RPS6KB1: variants seen among roughly 807,000 people sequenced by gnomAD.
RPS6KB1 encodes ribosomal protein S6 kinase B1, also known as ribosomal protein S6 kinase beta-1.
RPS6KB1 carries 12 observed loss-of-function variants against 70.2 expected under a neutral mutation model. The observed-to-expected ratio is 0.17, with a 90% confidence interval of 0.11 to 0.28. The LOEUF (loss-of-function observed/expected upper bound fraction) is 0.28. Among genes scored for constraint, RPS6KB1 ranks in the 10% least tolerant of loss-of-function variants. The probability of loss-of-function intolerance (pLI) is 1.00; values close to 1 mark genes in which losing one functional copy is unlikely to be tolerated. For synonymous variants in RPS6KB1, 175 were observed against 211.2 expected, an observed-to-expected ratio of 0.83 and a Z score of 1.49; for missense variants, 270 against 646.6, an observed-to-expected ratio of 0.42 and a Z score of 6.32.
intron 12 of RPS6KB1, among the ~76,000 whole-genome samples, chr17:59,937,834 A>G (rs142876037): frequency 6.6e-6 from 1 of 152,204 alleles, no homozygotes; most frequent in Non-Finnish European, 1.5e-5. Context: ...TTCAACCCAT[A>G]ACAATATGTT....
intron 1 of RPS6KB1, among the ~76,000 whole-genome samples, chr17:59,897,850 A>G (rs2041658848): frequency 6.6e-6 from 1 of 151,950 alleles, no homozygotes; most frequent in Admixed American, 6.6e-5. Context: ...CTCTAGTCCC[A>G]GCTATTCAGG....
At chr17:59,897,943 C>T (rs554247549) in intron 1 of RPS6KB1, among the ~76,000 whole-genome samples, 2 of 146,168 alleles carry the variant, frequency 1.4e-5, no homozygotes, top group East Asian at 4.0e-4. Flanking sequence ...CCAGCCTGGG[C>T]GACACAGTGA....
intron 13 of RPS6KB1, among the ~76,000 whole-genome samples, chr17:59,943,035 G>A (rs2044707735): frequency 6.6e-6 from 1 of 152,040 alleles, no homozygotes; most frequent in Admixed American, 6.5e-5. Context: ...TGCAAAAGTT[G>A]TGTATAGTAC....
chr17:59,901,625 GAAA>G (rs58530265), intron 1 of RPS6KB1, among the ~76,000 whole-genome samples: 5 of 79,188 alleles, frequency 6.3e-5, no homozygotes, highest in Admixed American at 1.6e-4. Flanking sequence ...CCCTGTCTCT[GAAA>G]AAAAAAAAAA....
chr17:59,944,188 GACTTC>G (rs1164020952), intron 13 of RPS6KB1, among the ~76,000 whole-genome samples: 1 of 152,010 alleles, frequency 6.6e-6, no homozygotes, highest in East Asian at 1.9e-4. Flanking sequence ...CACTCTTTGG[GACTTC>G]ACTCAGAGCT....
At chr17:59,896,614 A>G (rs2041580882) in intron 1 of RPS6KB1, among the ~76,000 whole-genome samples, 1 of 152,148 alleles carries the variant, frequency 6.6e-6, no homozygotes, top group Non-Finnish European at 1.5e-5. Flanking sequence ...GGTACAAGCA[A>G]GTAGGATTTT....
At chr17:59,900,223 CA>C (rs1568377513) in intron 1 of RPS6KB1, among the ~76,000 whole-genome samples, 124 of 140,976 alleles carry the variant, frequency 8.8e-4, no homozygotes, top group South Asian at 2.0e-3. Context: ...CACACACACA[CA>C]CACACACCCC....
In RPS6KB1 at chr17:59,946,602, C is replaced by T. The variant is rs2044939939; in HGVS notation, c.1392C>T (p.Ser464=). Residue 464 remains serine (S), a synonymous_variant, in exon 15 of 15, where the codon AGC becomes AGT. Transcript: ENST00000225577. The surrounding 1 kb of genome is among the most constrained non-coding windows in gnomAD (Gnocchi z 4.2). ...GDFWGRGASA[S]TANPQTPVEY... ...TCTGGGGAAGAGGTGCTTCGGCCAG[C>T]ACAGCAAATCCTCAGACACCTGTGG... is the stretch of plus-strand genomic sequence containing the variant. The T allele has an allele frequency of 1.9e-6, 3 of 1,613,960 alleles. No individual in the cohort carries two copies. Among genetic ancestry groups the T allele is most frequent in the Non-Finnish European group, 1.7e-6 (2 of 1,180,028 alleles).
chr17:59,902,250 G>A (rs1203883673), intron 1 of RPS6KB1, among the ~76,000 whole-genome samples: 3 of 151,212 alleles, frequency 2.0e-5, no homozygotes, highest in Non-Finnish European at 4.4e-5. Flanking sequence ...GACCACAGGT[G>A]TGCGCCACCA....
Position 59,946,634 on chromosome 17 carries a change from C to T in RPS6KB1, c.1424C>T (p.Pro475Leu), listed in dbSNP as rs1423417423. Reference protein sequence around the residue: ...TANPQTPVEYPMETSGIEQMD... With the variant: ...TANPQTPVEYLMETSGIEQMD... ...AATCCTCAGACACCTGTGGAATACC[C>T]AATGGAAACAAGTGGCATAGAGCAG... Residue 475 changes from proline to leucine, a missense_variant, in exon 15 of 15, where the codon CCA (proline) becomes CTA (leucine). By Grantham distance (98) the Pro-to-Leu change is moderately conservative. Transcript: ENST00000225577. The surrounding 1 kb of genome is among the most constrained non-coding windows in gnomAD (Gnocchi z 4.2). 6.2e-7 allele frequency: 1 copy of T among 1,613,950 alleles called. No homozygotes were observed. Among genetic ancestry groups the T allele is most frequent in the Non-Finnish European group, 8.5e-7 (1 of 1,179,974 alleles).
chr17:59,912,530 G>A lies in RPS6KB1; in HGVS notation c.192-154G>A, dbSNP rs566619103. ...CAGGCCACCCTCCTCTTGACCTGCT[G>A]TTCTGTTTGTTTAGAGCACAAATAA... On this transcript the variant is annotated intron_variant, in intron 2 of 14. Coordinates refer to ENST00000225577, the MANE Select transcript of RPS6KB1 (RefSeq NM_003161.4). The A allele has an allele frequency of 3.5e-4, 89 of 257,430 alleles. 1 individual carries two copies. The South Asian group carries it at 0.012, about 36-fold the overall frequency. 15.9% of individuals were successfully genotyped at this position (257,430 alleles called of 1,614,324 possible). A position where few individuals can be genotyped will look rare whatever the true frequency, so the allele number is the denominator to read the frequency against.
chr17:59,902,843 GT>G (rs972759937), intron 1 of RPS6KB1, among the ~76,000 whole-genome samples: 4 of 152,008 alleles, frequency 2.6e-5, no homozygotes, highest in Non-Finnish European at 5.9e-5. Flanking sequence ...CTCCCAAAGT[GT>G]TAGGATTATA....
intron 13 of RPS6KB1, among the ~76,000 whole-genome samples, chr17:59,944,791 C>CTTTTTTT (rs3066277): frequency 7.4e-6 from 1 of 134,490 alleles, no homozygotes; most frequent in Non-Finnish European, 1.6e-5. Context: ...TATTTAACAT[C>CTTTTTTT]TTTTTTTTTT....
In RPS6KB1 at chr17:59,903,540, C is replaced by G. The variant is rs141171953; in HGVS notation, c.142-7022C>G. On this transcript the variant is annotated intron_variant, in intron 1 of 14. Coordinates refer to ENST00000225577, the MANE Select transcript of RPS6KB1 (RefSeq NM_003161.4). ...TGCCCAGATCTTTGTGGAGCATATA[C>G]TTTTCATTTCTTTTGAGTAGATACA... 4.7e-3 allele frequency among the ~76,000 whole-genome samples: 712 copies of G among 152,210 alleles called. 9 individuals carry two copies. Among genetic ancestry groups the G allele is most frequent in the African/African-American group, 0.017 (686 of 41,526 alleles).
At chr17:59,915,929 G>A (rs1336369470) in intron 4 of RPS6KB1, among the ~76,000 whole-genome samples, 1 of 150,968 alleles carries the variant, frequency 6.6e-6, no homozygotes, top group Non-Finnish European at 1.5e-5. Flanking sequence ...GGGATTACAG[G>A]CATGTGCCAC....
At chr17:59,933,837 T>C (rs1455927444) in intron 7 of RPS6KB1, among the ~76,000 whole-genome samples, 2 of 152,212 alleles carry the variant, frequency 1.3e-5, no homozygotes, top group Non-Finnish European at 1.5e-5. Flanking sequence ...CTAGACTTCA[T>C]AAAACAGTTT....
At chr17:59,894,639 C>G (rs1360354758) in intron 1 of RPS6KB1, among the ~76,000 whole-genome samples, 2 of 152,226 alleles carry the variant, frequency 1.3e-5, no homozygotes, top group Non-Finnish European at 2.9e-5. Context: ...GGGTCTCACT[C>G]TATCACCCAG....
intron 5 of RPS6KB1, among the ~76,000 whole-genome samples, chr17:59,928,032 C>T (rs2043717912): frequency 6.6e-6 from 1 of 151,572 alleles, no homozygotes; most frequent in Non-Finnish European, 1.5e-5. Flanking sequence ...GTGGTGTGCT[C>T]CTGTAATCCC....
At chr17:59,926,735 A>G (rs888989771) in intron 5 of RPS6KB1, among the ~76,000 whole-genome samples, 153 bp downstream of exon 5, 8 of 152,212 alleles carry the variant, frequency 5.3e-5, no homozygotes, top group African/African-American at 1.2e-4. Context: ...GATGTGACCA[A>G]ATGTTTCTAT....
Sources: allele counts gnomAD v4.1 joint callset (sites outside exome capture counted in the v4.1 genomes callset), GRCh38; gene constraint gnomAD v4.1.1; non-coding constraint Gnocchi (gnomAD v3.1); transcripts MANE v1.5; gene names NCBI Gene and HGNC (gene_info 2026-07-23, HGNC 2026-07-21).